Variants in LINGO2 observed in about 807,000 individuals in gnomAD.
LINGO2 encodes the protein leucine-rich repeat and immunoglobulin-like domain-containing nogo receptor-interacting protein 2.
LINGO2 carries 14 observed loss-of-function variants against 30.6 expected under a neutral mutation model. The observed-to-expected ratio is 0.46, with a 90% confidence interval of 0.30 to 0.72. The LOEUF is 0.72. LINGO2 is among the 30% of genes least tolerant of loss of function. LINGO2 has a pLI of 0.07. For missense variants in LINGO2, 729 were observed against 751.7 expected (o/e 0.97, Z 0.35); for synonymous variants, 317 against 288.5 (o/e 1.10, Z -1.00).
the LINGO2 span, among the ~76,000 whole-genome samples, chr9:29,176,707 T>C: frequency 6.6e-6 from 1 of 152,230 alleles, no homozygotes; most frequent in Non-Finnish European, 1.5e-5. Flanking sequence ...CCCTAGGCAA[T>C]GTACTAGGAA....
the LINGO2 span, among the ~76,000 whole-genome samples, chr9:29,109,883 T>G: frequency 6.6e-6 from 1 of 152,218 alleles, no homozygotes; most frequent in Non-Finnish European, 1.5e-5. Context: ...GATCATAATC[T>G]TTCAGCAAAT....
At chr9:29,165,216 A>G in the LINGO2 span, among the ~76,000 whole-genome samples, 1 of 152,170 alleles carries the variant, frequency 6.6e-6, no homozygotes, top group African/African-American at 2.4e-5. Context: ...ATCTATATCT[A>G]TATCTGGCTC....
chr9:28,703,826 G>T, the LINGO2 span, among the ~76,000 whole-genome samples: 4 of 151,806 alleles, frequency 2.6e-5, no homozygotes, highest in Admixed American at 6.6e-5. Flanking sequence ...TTCACAGGTA[G>T]TATAGGTACC....
chr9:28,357,589 TATAG>T (rs1343945501), intron 3 of LINGO2, among the ~76,000 whole-genome samples: 1 of 152,072 alleles, frequency 6.6e-6, no homozygotes, highest in African/African-American at 2.4e-5. Flanking sequence ...AGAATTGGGG[TATAG>T]ATAGTCTATG....
chr9:28,823,974 T>C, the LINGO2 span, among the ~76,000 whole-genome samples: 23 of 151,886 alleles, frequency 1.5e-4, no homozygotes, highest in African/African-American at 5.3e-4. Flanking sequence ...TCAGGAAAAA[T>C]ATATACATAC....
At chr9:28,818,786 A>T in the LINGO2 span, among the ~76,000 whole-genome samples, 1 of 152,184 alleles carries the variant, frequency 6.6e-6, no homozygotes, top group Non-Finnish European at 1.5e-5. Flanking sequence ...TAAACTTTCT[A>T]ATTTGCACTT....
chr9:28,774,897 G>T, the LINGO2 span, among the ~76,000 whole-genome samples: 2 of 152,040 alleles, frequency 1.3e-5, no homozygotes, highest in Non-Finnish European at 2.9e-5. Flanking sequence ...AAATGAAAGC[G>T]CTGGACCTTA....
the LINGO2 span, among the ~76,000 whole-genome samples, chr9:29,148,067 C>T: frequency 1.3e-5 from 2 of 152,070 alleles, no homozygotes; most frequent in Non-Finnish European, 2.9e-5. Flanking sequence ...ATTTATTTTA[C>T]ATATTAATAT....
At chr9:28,224,025 T>C (rs1468542370) in intron 4 of LINGO2, among the ~76,000 whole-genome samples, 1 of 152,212 alleles carries the variant, frequency 6.6e-6, no homozygotes, top group Non-Finnish European at 1.5e-5. Flanking sequence ...ATCACTGGGA[T>C]AGATGAAACT....
At chr9:28,209,452 C>G (rs564190360) in intron 4 of LINGO2, among the ~76,000 whole-genome samples, 2 of 151,866 alleles carry the variant, frequency 1.3e-5, no homozygotes, top group South Asian at 4.1e-4. Context: ...TTTTGTTACA[C>G]TAGGTATAAT....
At chr9:28,513,245 C>T (rs1325136799) in intron 1 of LINGO2, among the ~76,000 whole-genome samples, 2 of 152,166 alleles carry the variant, frequency 1.3e-5, no homozygotes, top group Non-Finnish European at 2.9e-5. Context: ...AATCAGTCAA[C>T]CAATCTGCAA....
At chr9:28,017,610 T>G (rs965489327) in intron 4 of LINGO2, among the ~76,000 whole-genome samples, 1 of 152,106 alleles carries the variant, frequency 6.6e-6, no homozygotes, top group Non-Finnish European at 1.5e-5. Context: ...CACAGTCCCT[T>G]AAGCCACAAA....
chr9:28,681,860 G>C, the LINGO2 span, among the ~76,000 whole-genome samples: 1 of 152,066 alleles, frequency 6.6e-6, no homozygotes. Flanking sequence ...AGAGAAATAG[G>C]CTCTCTTAAG....
chr9:28,952,858 C>A, the LINGO2 span, among the ~76,000 whole-genome samples: 13 of 152,134 alleles, frequency 8.5e-5, no homozygotes, highest in African/African-American at 3.1e-4. Flanking sequence ...TGTTTTAAGT[C>A]ATTAAGTTTT....
At chr9:28,591,380 C>G (rs1190543154) in intron 1 of LINGO2, among the ~76,000 whole-genome samples, 1 of 151,936 alleles carries the variant, frequency 6.6e-6, no homozygotes, top group East Asian at 1.9e-4. Flanking sequence ...GCTTGACAAT[C>G]TACATTTGTA....
chr9:29,023,377 C>A, the LINGO2 span, among the ~76,000 whole-genome samples: 1 of 151,986 alleles, frequency 6.6e-6, no homozygotes, highest in Non-Finnish European at 1.5e-5. Context: ...CACTATATGT[C>A]CCTATTTATT....
At chr9:28,588,442 T>A (rs1405497185) in intron 1 of LINGO2, among the ~76,000 whole-genome samples, 1 of 152,032 alleles carries the variant, frequency 6.6e-6, no homozygotes, top group East Asian at 1.9e-4. Flanking sequence ...GAAAAGGGGC[T>A]TCCTGGAATT....
the LINGO2 span, among the ~76,000 whole-genome samples, chr9:28,715,316 C>T: frequency 6.6e-6 from 1 of 152,052 alleles, no homozygotes; most frequent in Non-Finnish European, 1.5e-5. Flanking sequence ...AATTAAAAAT[C>T]CATATCACAG....
At chr9:28,399,886 A>G (rs1233431739) in intron 2 of LINGO2, among the ~76,000 whole-genome samples, 4 of 152,352 alleles carry the variant, frequency 2.6e-5, no homozygotes, top group Admixed American at 2.6e-4. Flanking sequence ...CCTATTTTGA[A>G]CATATTGAAG....
Sources: allele counts gnomAD v4.1 joint callset (sites outside exome capture counted in the v4.1 genomes callset), GRCh38; gene constraint gnomAD v4.1.1; transcripts MANE v1.5; gene names NCBI Gene and HGNC (gene_info 2026-07-23, HGNC 2026-07-21).